The following BTRC variants were observed in gnomAD, a reference collection of about 807,000 sequenced individuals.
BTRC encodes F-box/WD repeat-containing protein 1A.
Under a neutral mutation model 85.5 loss-of-function variants are expected in BTRC, and 42 were observed. That is an observed-to-expected ratio of 0.49 (90% CI 0.38 to 0.64). BTRC has a LOEUF of 0.64. Among genes scored for constraint, BTRC ranks in the 30% least tolerant of loss-of-function variants. BTRC has a pLI of 0.00. For missense variants in BTRC, 594 were observed against 743.5 expected (o/e 0.80, Z 2.34); for synonymous variants, 255 against 263.3 (o/e 0.97, Z 0.30).
intron 3 of BTRC, among the ~76,000 whole-genome samples, chr10:101,469,803 C>T (rs1261877630): frequency 1.3e-5 from 2 of 152,162 alleles, no homozygotes; most frequent in African/African-American, 4.8e-5. Flanking sequence ...GATCAGCTTA[C>T]TGTCACTGTA....
chr10:101,378,569 G>A (rs970471547), intron 1 of BTRC, among the ~76,000 whole-genome samples: 5 of 146,186 alleles, frequency 3.4e-5, no homozygotes, highest in Non-Finnish European at 7.4e-5. Flanking sequence ...CTGTCACCCA[G>A]GCTGGAGTGC....
intron 4 of BTRC, among the ~76,000 whole-genome samples, chr10:101,509,856 C>T (rs1208628379): frequency 1.3e-5 from 2 of 151,762 alleles, no homozygotes; most frequent in African/African-American, 4.8e-5. Flanking sequence ...GCCACCATGC[C>T]TGACTGGCTT....
At chr10:101,375,329 C>G (rs891477129) in intron 1 of BTRC, among the ~76,000 whole-genome samples, 10 of 152,142 alleles carry the variant, frequency 6.6e-5, no homozygotes, top group African/African-American at 2.4e-4. Flanking sequence ...CCTGCTTCCC[C>G]TTTGCCTTCT....
chr10:101,534,542 T>C (rs1487042642), intron 9 of BTRC, 119 bp from the exon 10 acceptor site: 68 of 1,319,724 alleles, frequency 5.2e-5, no homozygotes, highest in Non-Finnish European at 6.1e-5. Context: ...CCCTTCCTTC[T>C]CCCACTCTCC....
At chr10:101,431,930 T>C (rs1328573624) in intron 2 of BTRC, among the ~76,000 whole-genome samples, 1 of 152,202 alleles carries the variant, frequency 6.6e-6, no homozygotes, top group Non-Finnish European at 1.5e-5. Flanking sequence ...TAAAATTAGC[T>C]AAATCAAGTC....
At chr10:101,508,913 T>TAAAAAAAAAAAAAAAAAAA (rs59998718) in intron 4 of BTRC, among the ~76,000 whole-genome samples, 21 of 101,930 alleles carry the variant, frequency 2.1e-4, no homozygotes, top group South Asian at 4.1e-4. Flanking sequence ...GACTCCATCT[T>TAAAAAAAAAAAAAAAAAAA]AAAAAAAAAA....
intron 4 of BTRC, among the ~76,000 whole-genome samples, chr10:101,487,481 C>T (rs1188070994): frequency 6.6e-6 from 1 of 152,214 alleles, no homozygotes; most frequent in Non-Finnish European, 1.5e-5. Flanking sequence ...TAAAGCCACT[C>T]AGTGTCTGGG....
At chr10:101,402,189 T>C (rs1943509674) in intron 1 of BTRC, among the ~76,000 whole-genome samples, 2 of 152,162 alleles carry the variant, frequency 1.3e-5, no homozygotes, top group Non-Finnish European at 2.9e-5. Context: ...TCTAAATTCA[T>C]ATGTGAGGAG....
At chr10:101,443,646 G>A (rs1488796123) in intron 2 of BTRC, among the ~76,000 whole-genome samples, 1 of 152,160 alleles carries the variant, frequency 6.6e-6, no homozygotes, top group Non-Finnish European at 1.5e-5. Flanking sequence ...ATTAAAATAT[G>A]TTTGAATATG....
intron 2 of BTRC, among the ~76,000 whole-genome samples, chr10:101,438,935 G>A (rs565505183): frequency 6.6e-6 from 1 of 152,082 alleles, no homozygotes; most frequent in Non-Finnish European, 1.5e-5. Context: ...ATGTGCCTAT[G>A]GACTATTTAC....
At chr10:101,479,895 G>A (rs764158377) in intron 4 of BTRC, among the ~76,000 whole-genome samples, 5 of 152,132 alleles carry the variant, frequency 3.3e-5, no homozygotes, top group Non-Finnish European at 7.4e-5. Context: ...TGGAAATACT[G>A]CTTTTGTTGA....
intron 1 of BTRC, among the ~76,000 whole-genome samples, chr10:101,375,922 G>C (rs1310461460): frequency 6.6e-6 from 1 of 152,204 alleles, no homozygotes; most frequent in Non-Finnish European, 1.5e-5. Context: ...GTGCTGGCCA[G>C]TGTATCAACA....
intron 1 of BTRC, among the ~76,000 whole-genome samples, chr10:101,394,558 C>T (rs1943316409): frequency 6.6e-6 from 1 of 152,176 alleles, no homozygotes; most frequent in Non-Finnish European, 1.5e-5. Context: ...CCCTACTCCA[C>T]AAAATACATA....
chr10:101,504,066 G>T (rs1366056456), intron 4 of BTRC, among the ~76,000 whole-genome samples: 1 of 152,200 alleles, frequency 6.6e-6, no homozygotes, highest in Non-Finnish European at 1.5e-5. Context: ...GGAGAAGGGT[G>T]TTGGGGGTAA....
chr10:101,415,994 C>T (rs1163179473), intron 1 of BTRC, among the ~76,000 whole-genome samples: 4 of 152,138 alleles, frequency 2.6e-5, no homozygotes, highest in African/African-American at 9.7e-5. Flanking sequence ...ATAGTCTAGG[C>T]GTGTGGTAGT....
chr10:101,368,464 CTT>C (rs60190021), intron 1 of BTRC, among the ~76,000 whole-genome samples: 20 of 75,340 alleles, frequency 2.7e-4, no homozygotes, highest in African/African-American at 9.0e-4. Flanking sequence ...AACTGTTTTT[CTT>C]TTTTTTTTTT....
intron 2 of BTRC, among the ~76,000 whole-genome samples, chr10:101,440,109 A>G (rs887557988): frequency 1.3e-5 from 2 of 152,234 alleles, no homozygotes; most frequent in African/African-American, 4.8e-5. Context: ...TTATGCTTAT[A>G]TTAGTCCAGC....
At chr10:101,530,508 AACC>A (rs1452570750) in intron 6 of BTRC, among the ~76,000 whole-genome samples, 1 of 152,154 alleles carries the variant, frequency 6.6e-6, no homozygotes, top group African/African-American at 2.4e-5. Context: ...AAAAAAAAAA[AACC>A]TATAGGGCAT....
chr10:101,423,021 G>C (rs1944148188), intron 1 of BTRC, among the ~76,000 whole-genome samples: 1 of 151,748 alleles, frequency 6.6e-6, no homozygotes, highest in African/African-American at 2.4e-5. Flanking sequence ...CATTGGTATT[G>C]ATATTGATTC....
Sources: gnomAD v4.1 joint callset for allele counts (sites outside exome capture counted in the v4.1 genomes callset) on GRCh38, gnomAD v4.1.1 for gene constraint, MANE v1.5 for transcripts, NCBI Gene and HGNC (gene_info 2026-07-23, HGNC 2026-07-21) for gene names.